Variants in STK32A observed in about 807,000 individuals in gnomAD.
STK32A encodes the protein serine/threonine-protein kinase 32A.
STK32A carries 41 observed loss-of-function variants against 53.2 expected under a neutral mutation model. The ratio of observed to expected loss-of-function variants is 0.77; its 90% confidence interval spans 0.60 to 1.00. The LOEUF is 1.00. Ranked by LOEUF, STK32A falls within the 50% of genes least tolerant of loss-of-function variation. STK32A has a pLI of 0.00. For synonymous variants in STK32A, 166 were observed against 162.8 expected, an observed-to-expected ratio of 1.02 and a Z score of -0.15; for missense variants, 458 against 485.8, an observed-to-expected ratio of 0.94 and a Z score of 0.54.
At chr5:147,362,639 CAA>C (rs1359426737) in intron 8 of STK32A, among the ~76,000 whole-genome samples, 1 of 152,202 alleles carries the variant, frequency 6.6e-6, no homozygotes, top group Admixed American at 6.5e-5. Context: ...TACATACATT[CAA>C]CAGTCCCAAA....
chr5:147,315,450 T>A (rs1234711976), intron 4 of STK32A, among the ~76,000 whole-genome samples: 1 of 152,174 alleles, frequency 6.6e-6, no homozygotes, highest in Non-Finnish European at 1.5e-5. Context: ...TGAAATCTTA[T>A]AATAAATGAA....
At chr5:147,375,938 A>C (rs17106586) in intron 11 of STK32A, 31,642 of 152,070 alleles carry the variant, frequency 0.21, 4,106 homozygotes, top group East Asian at 0.55. Flanking sequence ...ATCTATCCAC[A>C]CGACCATTTC....
At chr5:147,394,084 C>G in the STK32A span, 1 of 1,613,976 alleles carries the variant, frequency 6.2e-7, no homozygotes. Flanking sequence ...CGCCACGATG[C>G]GCTTGCTGGC....
At chr5:147,294,639 A>G (rs760223921) in intron 4 of STK32A, among the ~76,000 whole-genome samples, 31 of 151,354 alleles carry the variant, frequency 2.0e-4, no homozygotes, top group Admixed American at 3.3e-4. Context: ...TATATACCTT[A>G]TGTATAGAAT....
At chr5:147,345,085 G>A (rs956626683) in intron 6 of STK32A, among the ~76,000 whole-genome samples, 1 of 152,180 alleles carries the variant, frequency 6.6e-6, no homozygotes, top group Non-Finnish European at 1.5e-5. Context: ...GATTAATTGT[G>A]TAACAGTGTG....
chr5:147,398,384 C>T, the STK32A span, among the ~76,000 whole-genome samples: 13 of 152,192 alleles, frequency 8.5e-5, no homozygotes, highest in Non-Finnish European at 5.9e-5. Context: ...CTTCACCATT[C>T]GCTTGCTGCA....
intron 4 of STK32A, among the ~76,000 whole-genome samples, chr5:147,312,961 C>A (rs1313983631): frequency 4.0e-5 from 6 of 150,328 alleles, no homozygotes; most frequent in African/African-American, 1.5e-4. Context: ...TACTACTGGG[C>A]TAGATGTGGT....
At chr5:147,398,776 C>A in the STK32A span, among the ~76,000 whole-genome samples, 5 of 152,186 alleles carry the variant, frequency 3.3e-5, no homozygotes, top group Non-Finnish European at 5.9e-5. Context: ...CTAGGGGAAG[C>A]TTTCAGAGCC....
chr5:147,325,785 G>T (rs1463701213), intron 5 of STK32A, among the ~76,000 whole-genome samples: 5 of 152,030 alleles, frequency 3.3e-5, no homozygotes, highest in African/African-American at 4.8e-5. Flanking sequence ...GTCCCTCATA[G>T]CTCTTTCTGA....
At chr5:147,317,241 G>T (rs758070861) in intron 4 of STK32A, among the ~76,000 whole-genome samples, 7 of 150,442 alleles carry the variant, frequency 4.7e-5, no homozygotes, top group Non-Finnish European at 1.0e-4. Context: ...TGTATAGATT[G>T]ACGTGACATG....
chr5:147,274,986 A>G (rs1430510879), intron 2 of STK32A, among the ~76,000 whole-genome samples: 1 of 152,186 alleles, frequency 6.6e-6, no homozygotes, highest in African/African-American at 2.4e-5. Flanking sequence ...AAATAATCCT[A>G]TACAAATTCA....
intron 8 of STK32A, among the ~76,000 whole-genome samples, chr5:147,370,144 G>A (rs987253643): frequency 1.3e-5 from 2 of 152,206 alleles, no homozygotes; most frequent in South Asian, 2.1e-4. Flanking sequence ...GGGACTCATA[G>A]CATTTGTGGG....
chr5:147,270,976 A>G (rs111392324), intron 2 of STK32A, among the ~76,000 whole-genome samples: 1 of 148,148 alleles, frequency 6.8e-6, no homozygotes. Flanking sequence ...AGAATGCTCA[A>G]AGTAGTTTTG....
the STK32A span, chr5:147,395,550 C>T: frequency 1.2e-6 from 2 of 1,606,872 alleles, no homozygotes; most frequent in Non-Finnish European, 1.7e-6. Context: ...ATGAGCCTGT[C>T]CCACTCACCT....
At chr5:147,401,788 G>C in the STK32A span, 2 of 1,493,460 alleles carry the variant, frequency 1.3e-6, no homozygotes, top group African/African-American at 2.8e-5. Context: ...GCCTACCCAG[G>C]ACTGTGTCTC....
intron 5 of STK32A, among the ~76,000 whole-genome samples, chr5:147,338,710 T>C (rs949248357): frequency 6.6e-6 from 1 of 152,170 alleles, no homozygotes; most frequent in Non-Finnish European, 1.5e-5. Context: ...TACCAGGAAC[T>C]AGAGCAAAAG....
At chr5:147,271,986 C>T (rs1384873210) in intron 2 of STK32A, among the ~76,000 whole-genome samples, 3 of 152,108 alleles carry the variant, frequency 2.0e-5, no homozygotes, top group East Asian at 3.9e-4. Flanking sequence ...TTTGAAAATC[C>T]CTAATAAAAA....
intron 5 of STK32A, among the ~76,000 whole-genome samples, chr5:147,339,249 G>C (rs1755287179): frequency 6.6e-6 from 1 of 152,218 alleles, no homozygotes; most frequent in African/African-American, 2.4e-5. Context: ...ATACAGTTCA[G>C]ACCATTGCTT....
At chr5:147,349,323 C>T (rs1414175561) in intron 6 of STK32A, among the ~76,000 whole-genome samples, 4 of 152,216 alleles carry the variant, frequency 2.6e-5, no homozygotes, top group Non-Finnish European at 4.4e-5. Context: ...TGGATACTAT[C>T]AGGGAGCAGA....
Sources: allele counts gnomAD v4.1 joint callset (sites outside exome capture counted in the v4.1 genomes callset), GRCh38; gene constraint gnomAD v4.1.1; transcripts MANE v1.5; gene names NCBI Gene and HGNC (gene_info 2026-07-23, HGNC 2026-07-21).